Variants in SYN3 observed in about 807,000 individuals in gnomAD.
SYN3 encodes synapsin-3.
In SYN3, 35 loss-of-function variants were observed where a neutral mutation model predicts 65.8. The observed-to-expected ratio is 0.53, with a 90% CI of 0.41 to 0.70. SYN3 has a LOEUF of 0.70. Among genes scored for constraint, SYN3 ranks in the 30% least tolerant of loss-of-function variants. The probability of loss-of-function intolerance (pLI) is 0.00; values close to 1 mark genes in which losing one functional copy is unlikely to be tolerated. For missense variants in SYN3, 680 were observed against 749.0 expected (o/e 0.91, Z 1.08); for synonymous variants, 270 against 292.9 (o/e 0.92, Z 0.80).
chr22:32,677,837 C>T (rs1229775459), intron 6 of SYN3, among the ~76,000 whole-genome samples: 1 of 147,300 alleles, frequency 6.8e-6, no homozygotes, highest in Admixed American at 6.8e-5. Context: ...TAAAAAAAGA[C>T]ACAAGATTGA....
chr22:32,931,304 T>C, intron 4 of SYN3, 86 bp downstream of exon 4: 1 of 871,480 alleles, frequency 1.1e-6, no homozygotes, highest in Non-Finnish European at 1.9e-6. Flanking sequence ...AGGAGTTAGG[T>C]CGCAGGAAGT....
chr22:32,597,899 A>C (rs576512568), intron 6 of SYN3, among the ~76,000 whole-genome samples: 9 of 152,222 alleles, frequency 5.9e-5, no homozygotes, highest in South Asian at 2.1e-4. Flanking sequence ...ATACTTCCCC[A>C]CACACACCAT....
intron 6 of SYN3, among the ~76,000 whole-genome samples, chr22:32,813,176 G>T (rs550468838): frequency 1.3e-5 from 2 of 152,138 alleles, no homozygotes; most frequent in East Asian, 1.9e-4. Context: ...TATGTTTATG[G>T]TTCCCCATTC....
At position 32,855,845 on chromosome 22, in the gene SYN3, C is replaced by T. The variant is rs74994994; in HGVS notation, c.711+9070G>A. Among the ~76,000 whole-genome samples the T allele has an allele frequency of 3.2e-3, 490 of 152,250 alleles. 2 individuals carry two copies. The highest frequency in any genetic ancestry group is 0.011 in the African/African-American group (460 of 41,546). The stretch of plus-strand genomic sequence containing the variant: ...TGAGAACCACTGTATTAGATTATGT[C>T]GTAGATACAAATAGCCAAATATCAG... On this transcript the variant is annotated intron_variant, in intron 6 of 13. Coordinates refer to ENST00000358763, the MANE Select transcript of SYN3 (RefSeq NM_003490.4).
In SYN3 at chr22:32,623,989, G is replaced by A. The variant is rs182241611; in HGVS notation, c.712-27253C>T. On this transcript the variant is annotated intron_variant, in intron 6 of 13. Transcript: ENST00000358763. Reference sequence around the variant, plus strand: ...TTCTCCTGAGTCCAAGGACACCGCTGCCTCCCAGCTCATAACAAACGATGC... The same window carrying A: ...TTCTCCTGAGTCCAAGGACACCGCTACCTCCCAGCTCATAACAAACGATGC... Among the ~76,000 whole-genome samples the A allele has an allele frequency of 2.2e-4, 33 of 152,300 alleles. 1 individual carries two copies. The highest frequency in any genetic ancestry group is 9.6e-4 in the East Asian group (5 of 5,184).
Position 32,959,483 on chromosome 22 carries a change from A to T in SYN3, c.369+21162T>A, listed in dbSNP as rs1280821504. 2.6e-5 allele frequency among the ~76,000 whole-genome samples: 4 copies of T among 152,092 alleles called. No homozygotes were observed. The East Asian group carries it at 7.8e-4, about 29-fold the overall frequency. On this transcript the variant is annotated intron_variant, in intron 3 of 13. Transcript: ENST00000358763. Reference sequence around the variant, plus strand: ...GGAGAATCACTTGAACCCAGGAGGCAGAGGTTGCAGTGAGCCAAGATTGCG... The same window carrying T: ...GGAGAATCACTTGAACCCAGGAGGCTGAGGTTGCAGTGAGCCAAGATTGCG...
At chr22:32,515,557 A>G (rs1053730262) in intron 13 of SYN3, among the ~76,000 whole-genome samples, 2 of 152,180 alleles carry the variant, frequency 1.3e-5, no homozygotes, top group Non-Finnish European at 2.9e-5. Flanking sequence ...GCCATTTGCT[A>G]GTGTCTGTCA....
At chr22:33,036,943 G>A (rs534152720) in intron 1 of SYN3, among the ~76,000 whole-genome samples, 13 of 152,036 alleles carry the variant, frequency 8.6e-5, no homozygotes, top group Non-Finnish European at 1.5e-4. Flanking sequence ...CGCCCACCTC[G>A]GCCTCCCAAA....
At chr22:32,771,855 C>G (rs1472819773) in intron 6 of SYN3, among the ~76,000 whole-genome samples, 1 of 152,184 alleles carries the variant, frequency 6.6e-6, no homozygotes, top group Non-Finnish European at 1.5e-5. Context: ...GGAAGACACT[C>G]AGAAACGAAT....
chr22:32,914,147 C>A (rs147221152), intron 4 of SYN3, among the ~76,000 whole-genome samples: 3 of 152,252 alleles, frequency 2.0e-5, no homozygotes, highest in African/African-American at 4.8e-5. Context: ...TAAGTGACAG[C>A]GCTGGCTTAA....
At chr22:32,575,780 G>A (rs887427885) in intron 7 of SYN3, among the ~76,000 whole-genome samples, 2 of 152,052 alleles carry the variant, frequency 1.3e-5, no homozygotes, top group East Asian at 1.9e-4. Flanking sequence ...GGGGAGATAC[G>A]GAAATGAATA....
intron 4 of SYN3, among the ~76,000 whole-genome samples, chr22:32,871,466 T>C (rs2048847179): frequency 6.6e-6 from 1 of 152,162 alleles, no homozygotes; most frequent in Non-Finnish European, 1.5e-5. Flanking sequence ...TGTGAAGTGC[T>C]CTTACAAAAT....
intron 3 of SYN3, among the ~76,000 whole-genome samples, chr22:32,944,567 A>T (rs2051045368): frequency 6.6e-6 from 1 of 152,206 alleles, no homozygotes; most frequent in South Asian, 2.1e-4. Flanking sequence ...GCTATTTATG[A>T]CAAACCCACA....
chr22:32,628,934 G>A (rs1050921393), intron 6 of SYN3, among the ~76,000 whole-genome samples: 15 of 152,208 alleles, frequency 9.9e-5, no homozygotes, highest in African/African-American at 3.4e-4. Context: ...GTGCCCTGTT[G>A]GGCTCTTTAG....
At chr22:32,558,219 AG>A (rs2058531376) in intron 7 of SYN3, among the ~76,000 whole-genome samples, 1 of 152,232 alleles carries the variant, frequency 6.6e-6, no homozygotes, top group African/African-American at 2.4e-5. Flanking sequence ...GAGGAAAATT[AG>A]GAGAAAGGCA....
chr22:32,877,338 C>T (rs1052872738), intron 4 of SYN3, among the ~76,000 whole-genome samples: 3 of 152,116 alleles, frequency 2.0e-5, no homozygotes, highest in African/African-American at 4.8e-5. Flanking sequence ...ACCATGAATC[C>T]GAGGCACAGA....
chr22:32,997,744 C>G (rs76377744), intron 2 of SYN3, among the ~76,000 whole-genome samples: 1 of 151,894 alleles, frequency 6.6e-6, no homozygotes, highest in Admixed American at 6.6e-5. Context: ...AGAATGCCAC[C>G]GGCCGGGCGC....
intron 4 of SYN3, among the ~76,000 whole-genome samples, chr22:32,898,398 G>C (rs74279802): frequency 6.6e-6 from 1 of 152,164 alleles, no homozygotes; most frequent in East Asian, 1.9e-4. Flanking sequence ...CTATGTAAGG[G>C]GGATGATTAC....
Position 32,512,139 on chromosome 22 carries a change from A to G in SYN3, c.*1553T>C, listed in dbSNP as rs548637022. ...CACTCCAGTTTGGTTTTGAAGGACC[A>G]AAAAGGAGATGATTGCTTTTATGCT... On this transcript the variant is annotated 3_prime_UTR_variant, in exon 14 of 14. Transcript: ENST00000358763. Among the ~76,000 whole-genome samples, 1 of 152,340 alleles carries G rather than the reference A, an allele frequency of 6.6e-6. No individual in the cohort carries two copies. The highest frequency in any genetic ancestry group is 2.1e-4 in the South Asian group (1 of 4,826).
Sources: allele counts gnomAD v4.1 joint callset (sites outside exome capture counted in the v4.1 genomes callset), GRCh38; gene constraint gnomAD v4.1.1; transcripts MANE v1.5; gene names NCBI Gene and HGNC (gene_info 2026-07-23, HGNC 2026-07-21).